The following SPRY3 variants were observed in gnomAD, a reference collection of about 807,000 sequenced individuals.
SPRY3 encodes protein sprouty homolog 3.
In SPRY3, 15 loss-of-function variants were observed where a neutral mutation model predicts 20.2. That is an observed-to-expected ratio of 0.74 (90% CI 0.50 to 1.14). The LOEUF (loss-of-function observed/expected upper bound fraction) is 1.14. Ranked by LOEUF, SPRY3 falls within the 50% of genes most tolerant of loss-of-function variation. The probability of loss-of-function intolerance (pLI) is 0.00; values close to 1 mark genes in which losing one functional copy is unlikely to be tolerated. For missense variants in SPRY3, 364 were observed against 363.9 expected (o/e 1.00, Z 0.00); for synonymous variants, 143 against 136.5 (o/e 1.05, Z -0.33).
At chrX:155,654,892 T>C (rs376674203) in intron 1 of SPRY3, among the ~76,000 whole-genome samples, 19 of 111,536 alleles carry the variant, frequency 1.7e-4, no homozygotes, top group African/African-American at 5.9e-4. Context: ...AATAGTGAGA[T>C]TGCTAGATTG....
At chrX:155,614,660 T>C (rs1238210136) in intron 1 of SPRY3, among the ~76,000 whole-genome samples, 1 of 110,954 alleles carries the variant, frequency 9.0e-6, no homozygotes, top group African/African-American at 3.3e-5. Flanking sequence ...ACCTAGGTAA[T>C]TTGGCTCCAG....
chrX:155,679,277 A>G (rs1182738737), intron 2 of SPRY3, among the ~76,000 whole-genome samples: 1 of 112,076 alleles, frequency 8.9e-6, no homozygotes, highest in Non-Finnish European at 1.9e-5. Flanking sequence ...CAATCTATTC[A>G]TGATGCTATA....
Position 155,773,185 on chromosome X carries a change from C to G in SPRY3, c.-106-581C>G, listed in dbSNP as rs772997496. Among the ~76,000 whole-genome samples the G allele has an allele frequency of 7.3e-5, 11 of 151,496 alleles. 1 individual carries two copies. The highest frequency in any genetic ancestry group is 5.9e-4 in the Admixed American group (9 of 15,222). On this transcript the variant is annotated intron_variant, in intron 3 of 3. Coordinates refer to ENST00000675360, the Ensembl canonical transcript of SPRY3. ...TTAATTCCTACCTTCTGTGTGTTTGCTGTATCTCTGCCTTTATTGCATTCT... is the reference window on the plus strand; with the variant it reads ...TTAATTCCTACCTTCTGTGTGTTTGGTGTATCTCTGCCTTTATTGCATTCT...
intron 1 of SPRY3, among the ~76,000 whole-genome samples, chrX:155,647,129 T>C (rs1366055702): frequency 1.8e-5 from 2 of 111,639 alleles, no homozygotes; most frequent in Non-Finnish European, 3.8e-5. Context: ...TCTATCTGGA[T>C]GTTTATCCAT....
At chrX:155,747,240 A>G (rs1363709677) in intron 2 of SPRY3, among the ~76,000 whole-genome samples, 1 of 151,892 alleles carries the variant, frequency 6.6e-6, no homozygotes, top group Non-Finnish European at 1.5e-5. Context: ...AGGATTCATT[A>G]TTAGAGAACC....
intron 1 of SPRY3, among the ~76,000 whole-genome samples, chrX:155,620,219 A>AAGTTAAACACACTTTATAAGATTCTT (rs1452247614): frequency 9.0e-6 from 1 of 111,612 alleles, no homozygotes; most frequent in East Asian, 2.8e-4. Flanking sequence ...GATTCTTATA[A>AAGTTAAACACACTTTATAAGATTCTT]AGTTAAACAC....
intron 2 of SPRY3, among the ~76,000 whole-genome samples, chrX:155,733,476 C>A (rs1222478752): frequency 6.6e-6 from 1 of 151,158 alleles, no homozygotes; most frequent in African/African-American, 2.4e-5. Flanking sequence ...TTAAAAAAAA[C>A]ATACTGGTAA....
At chrX:155,735,718 T>G (rs754110288) in intron 2 of SPRY3, among the ~76,000 whole-genome samples, 1 of 152,176 alleles carries the variant, frequency 6.6e-6, no homozygotes, top group African/African-American at 2.4e-5. Context: ...TAAATTGGAT[T>G]TCTTGTAGAC....
intron 2 of SPRY3, among the ~76,000 whole-genome samples, chrX:155,659,790 C>T (rs2068004545): frequency 9.0e-6 from 1 of 111,378 alleles, no homozygotes; most frequent in African/African-American, 3.3e-5. Context: ...TCCATTTCCT[C>T]TAGGTTTTCT....
At chrX:155,685,966 G>A (rs2124570411) in intron 2 of SPRY3, among the ~76,000 whole-genome samples, 1 of 110,576 alleles carries the variant, frequency 9.0e-6, no homozygotes, top group South Asian at 3.9e-4. Flanking sequence ...ACGGGGGTTT[G>A]GTAGAAACCA....
Position 155,642,200 on chromosome X carries a change from C to T in SPRY3, c.-440-14667C>T, listed in dbSNP as rs782777699. ...TTGGTCTGTTCAGGTTTTGGATATCCTTATCACTCAATCTTAGTAGGTTGT... is the reference window on the plus strand; with the variant it reads ...TTGGTCTGTTCAGGTTTTGGATATCTTTATCACTCAATCTTAGTAGGTTGT... On this transcript the variant is annotated intron_variant, in intron 1 of 3. Transcript: ENST00000675360. Among the ~76,000 whole-genome samples the T allele has an allele frequency of 3.6e-5, 4 of 111,359 alleles. No homozygotes were observed. The East Asian group carries it at 1.1e-3, about 32-fold the overall frequency.
intron 2 of SPRY3, among the ~76,000 whole-genome samples, chrX:155,744,538 C>A (rs1178394631): frequency 6.6e-6 from 1 of 152,000 alleles, no homozygotes; most frequent in Non-Finnish European, 1.5e-5. Context: ...AGGGACTTTT[C>A]CTGGCAAACG....
intron 1 of SPRY3, among the ~76,000 whole-genome samples, chrX:155,647,555 TG>T (rs2067962003): frequency 9.2e-6 from 1 of 109,106 alleles, no homozygotes. Context: ...GAACATGCAG[TG>T]TTTGGTTTTC....
At chrX:155,711,123 T>C (rs2090983278) in intron 2 of SPRY3, among the ~76,000 whole-genome samples, 1 of 151,850 alleles carries the variant, frequency 6.6e-6, no homozygotes, top group Non-Finnish European at 1.5e-5. Context: ...TATAGTTTTC[T>C]TTTATTGATG....
At chrX:155,767,741 AGG>A (rs2091347834) in intron 2 of SPRY3, 1 of 121,764 alleles carries the variant, frequency 8.2e-6, no homozygotes, top group Non-Finnish European at 1.7e-5. Context: ...GAGGAGAGAG[AGG>A]AGGAGGAGGA....
exon 4 of SPRY3, chrX:155,774,273 G>A (rs2091405879): frequency 5.6e-6 from 9 of 1,614,046 alleles, no homozygotes; most frequent in Non-Finnish European, 7.6e-6. Flanking sequence ...GAGAAGCTGA[G>A]CAATCTGCAG....
At chrX:155,775,064 C>A (rs1423843194) in exon 4 of SPRY3, 2 of 423,884 alleles carry the variant, frequency 4.7e-6, no homozygotes, top group Non-Finnish European at 4.3e-6. Flanking sequence ...TAGGGGCTCC[C>A]CAATGTAATA....
At chrX:155,706,896 T>C (rs1447161020) in intron 2 of SPRY3, among the ~76,000 whole-genome samples, 2 of 151,074 alleles carry the variant, frequency 1.3e-5, no homozygotes, top group South Asian at 2.1e-4. Context: ...TGGTACATTC[T>C]CCCAAATACT....
intron 2 of SPRY3, among the ~76,000 whole-genome samples, chrX:155,729,462 C>T (rs2091119160): frequency 6.6e-6 from 1 of 151,944 alleles, no homozygotes; most frequent in South Asian, 2.1e-4. Context: ...CCTGAATGAA[C>T]AGTGGGTCAA....
Sources: gnomAD v4.1 joint callset for allele counts (sites outside exome capture counted in the v4.1 genomes callset) on GRCh38, gnomAD v4.1.1 for gene constraint, MANE v1.5 for transcripts, NCBI Gene and HGNC (gene_info 2026-07-23, HGNC 2026-07-21) for gene names.